FAM72A: variants seen among roughly 807,000 people sequenced by gnomAD.
FAM72A encodes the protein protein FAM72A.
Under a neutral mutation model 11.3 loss-of-function variants are expected in FAM72A, and 1 was observed. The observed-to-expected ratio is 0.09, with a 90% CI of 0.03 to 0.42. FAM72A has a LOEUF of 0.42. Among genes scored for constraint, FAM72A ranks in the 10% least tolerant of loss-of-function variants. FAM72A has a pLI of 0.98. For synonymous variants in FAM72A, 5 were observed against 46.9 expected, an observed-to-expected ratio of 0.11 and a Z score of 3.65; for missense variants, 15 against 135.5, an observed-to-expected ratio of 0.11 and a Z score of 4.41.
rs1182826954 is a variant in FAM72A at position 206,191,674 on chromosome 1, A to AT, written c.355+4077dup. On this transcript the variant is annotated intron_variant, in intron 3 of 3. Transcript: ENST00000367128. ...AGCACCTTAACACAAGGAAAAAGAA[A>AT]TTTTTTTTTTTTTAAAAGAATTGGT... Among the ~76,000 whole-genome samples the AT allele has an allele frequency of 8.2e-4, 108 of 131,984 alleles. 1 individual carries two copies. Among genetic ancestry groups the AT allele is most frequent in the South Asian group, 2.5e-3 (11 of 4,442 alleles). The allele number at this position is 131,984 out of a possible 152,430, so 86.6% of individuals were successfully genotyped here. A position where few individuals can be genotyped will look rare whatever the true frequency, so the allele number is the denominator to read the frequency against.
chr1:206,198,971 A>T (rs1352532427), intron 2 of FAM72A, among the ~76,000 whole-genome samples: 3 of 151,092 alleles, frequency 2.0e-5, no homozygotes, highest in Non-Finnish European at 4.4e-5. Flanking sequence ...AATCCCAGCC[A>T]CTCAGGAGGC....
rs1172983585 is a variant in FAM72A at position 206,187,098 on chromosome 1, C to T, written c.*181G>A. The T allele has an allele frequency of 3.1e-6, 3 of 958,354 alleles. No individual in the cohort carries two copies. Among genetic ancestry groups the T allele is most frequent in the East Asian group, 5.9e-5 (2 of 33,940 alleles). 59.4% of individuals were successfully genotyped at this position (958,354 alleles called of 1,614,324 possible). On this transcript the variant is annotated 3_prime_UTR_variant, in exon 4 of 4. Transcript: ENST00000367128. The stretch of plus-strand genomic sequence containing the variant: ...AGGAAGTAGAAGTAGAGGAAAAGCA[C>T]AACTTCACTGGCTTCAATCAAACTG...
At chr1:206,203,162 A>C, upstream of FAM72A, 1 of 230,162 alleles carries the variant, frequency 4.3e-6, no homozygotes, top group Non-Finnish European at 8.4e-6. Context: ...TCTTATTGGA[A>C]GAGGTTCTAC....
upstream of FAM72A, chr1:206,204,912 C>CCCG (rs1553300703): frequency 7.3e-6 from 1 of 136,504 alleles, no homozygotes; most frequent in African/African-American, 3.3e-5. Context: ...GATTTGCCCC[C>CCCG]CCCCCCATCA....
chr1:206,203,803 C>A (rs782314702), upstream of FAM72A: 156 of 1,532,680 alleles, frequency 1.0e-4, 2 homozygotes, highest in Middle Eastern at 1.6e-3. Flanking sequence ...AGACCGCCCC[C>A]CCTCCACCCT....
At chr1:206,193,552 C>T (rs1485430645) in intron 3 of FAM72A, among the ~76,000 whole-genome samples, 22 of 152,182 alleles carry the variant, frequency 1.4e-4, no homozygotes, top group Non-Finnish European at 2.1e-4. Context: ...CTAGGACTTT[C>T]ATAGCTAGAG....
intron 2 of FAM72A, among the ~76,000 whole-genome samples, chr1:206,198,637 T>C (rs1553298693): frequency 6.6e-6 from 1 of 151,786 alleles, no homozygotes; most frequent in Non-Finnish European, 1.5e-5. Flanking sequence ...ATGAAAATAA[T>C]AACACGTCTA....
At chr1:206,196,861 T>C in intron 2 of FAM72A, among the ~76,000 whole-genome samples, 1 of 150,590 alleles carries the variant, frequency 6.6e-6, no homozygotes, top group East Asian at 1.9e-4. Context: ...TTTTAGCTAG[T>C]ACTTTAAAAA....
Position 206,187,047 on chromosome 1 carries a change from A to G in FAM72A, c.*232T>C, listed in dbSNP as rs1664567116. The G allele has an allele frequency of 1.8e-6, 1 of 556,776 alleles. No homozygotes were observed. The allele number at this position is 556,776 out of a possible 1,614,324, so 34.5% of individuals were successfully genotyped here. Reference sequence around the variant, plus strand: ...CCTGTCTGAATTTAAGAATACACCTACACTGGGCAGAAAAAGGTCGGGGAG... The same window carrying G: ...CCTGTCTGAATTTAAGAATACACCTGCACTGGGCAGAAAAAGGTCGGGGAG... On this transcript the variant is annotated 3_prime_UTR_variant, in exon 4 of 4. Transcript: ENST00000367128.
intron 1 of FAM72A, among the ~76,000 whole-genome samples, chr1:206,200,875 G>GA (rs1189250062): frequency 3.5e-5 from 4 of 112,872 alleles, no homozygotes; most frequent in Non-Finnish European, 5.3e-5. Flanking sequence ...AAGATTTCAA[G>GA]AAAGGAAGAG....
At chr1:206,187,678 C>T (rs1276342396) in intron 3 of FAM72A, among the ~76,000 whole-genome samples, 2 of 152,242 alleles carry the variant, frequency 1.3e-5, no homozygotes, top group East Asian at 3.9e-4. Flanking sequence ...GATCCTCCTA[C>T]CTCAGCCTCC....
chr1:206,193,392 T>C (rs1664900224), intron 3 of FAM72A, among the ~76,000 whole-genome samples: 1 of 145,396 alleles, frequency 6.9e-6, no homozygotes, highest in African/African-American at 2.6e-5. Flanking sequence ...AGAGTTCTAC[T>C]ATATTGGTCA....
chr1:206,191,413 G>A (rs1664785524), intron 3 of FAM72A, among the ~76,000 whole-genome samples: 1 of 137,882 alleles, frequency 7.3e-6, no homozygotes, highest in Admixed American at 7.2e-5. Flanking sequence ...GAGGTCAGGT[G>A]TTCAAGACCA....
chr1:206,195,857 G>C lies in FAM72A; in HGVS notation c.250C>G (p.His84Asp). 6.2e-7 allele frequency: 1 copy of C among 1,611,230 alleles called. No individual in the cohort carries two copies. The highest frequency in any genetic ancestry group is 8.5e-7 in the Non-Finnish European group (1 of 1,179,696). The change falls in exon 3 of 4, where the codon CAT (histidine) becomes GAT (aspartate). Residue 84 changes from histidine (H) to aspartate (D), a missense_variant. Physicochemically the swap from His to Asp is moderately conservative, Grantham distance 81. Coordinates refer to ENST00000367128, the MANE Select transcript of FAM72A (RefSeq NM_001123168.3). ...CLKCGNIVGY[H>D]VIVPCSSCLL... The stretch of plus-strand genomic sequence containing the variant: ...CAGGAACTACATGGAACAATCACAT[G>C]ATAACCTACAATGTTCCCACTAGAA...
In FAM72A at chr1:206,187,637, T is replaced by C. The variant is rs185879342; in HGVS notation, c.356-264A>G. Among the ~76,000 whole-genome samples, 390 of 152,262 alleles carry C rather than the reference T, an allele frequency of 2.6e-3. 6 individuals carry two copies. The highest frequency in any genetic ancestry group is 9.1e-3 in the African/African-American group (378 of 41,562). On this transcript the variant is annotated intron_variant, in intron 3 of 3. Coordinates refer to ENST00000367128, the MANE Select transcript of FAM72A (RefSeq NM_001123168.3). The stretch of plus-strand genomic sequence containing the variant: ...TAGGATCACGGTTCACAATCACAGA[T>C]CACTGCAGCCTGAACCTCCAGGGCT...
chr1:206,205,284 C>T (rs1553300879), upstream of FAM72A: 2 of 143,826 alleles, frequency 1.4e-5, no homozygotes, highest in African/African-American at 2.6e-5. Flanking sequence ...CACCTCGTAG[C>T]GCCAGGCTCT....
At chr1:206,189,141 G>A (rs1553297258) in intron 3 of FAM72A, among the ~76,000 whole-genome samples, 2 of 151,184 alleles carry the variant, frequency 1.3e-5, no homozygotes, top group African/African-American at 2.4e-5. Flanking sequence ...TGTAGATTTC[G>A]CTCATTTATT....
chr1:206,205,200 C>T (rs1357280293), upstream of FAM72A: 2 of 151,988 alleles, frequency 1.3e-5, no homozygotes, highest in Non-Finnish European at 2.9e-5. Flanking sequence ...AGTCCCCGCC[C>T]GGAGCCCGCG....
At position 206,187,067 on chromosome 1, in the gene FAM72A, G is replaced by A. The variant is rs1332948887; in HGVS notation, c.*212C>T. 7.1e-5 allele frequency: 48 copies of A among 677,756 alleles called. No individual in the cohort carries two copies. Among genetic ancestry groups the A allele is most frequent in the Middle Eastern group, 4.5e-4 (1 of 2,214 alleles). 42.0% of individuals were successfully genotyped at this position (677,756 alleles called of 1,614,324 possible). A position where few individuals can be genotyped will look rare whatever the true frequency, so the allele number is the denominator to read the frequency against. On this transcript the variant is annotated 3_prime_UTR_variant, in exon 4 of 4. Coordinates refer to ENST00000367128, the MANE Select transcript of FAM72A (RefSeq NM_001123168.3). ...CACCTACACTGGGCAGAAAAAGGTCGGGGAGAGGAAGTAGAAGTAGAGGAA... is the reference window on the plus strand; with the variant it reads ...CACCTACACTGGGCAGAAAAAGGTCAGGGAGAGGAAGTAGAAGTAGAGGAA...
Sources: gnomAD v4.1 joint callset for allele counts (sites outside exome capture counted in the v4.1 genomes callset) on GRCh38, gnomAD v4.1.1 for gene constraint, MANE v1.5 for transcripts, NCBI Gene and HGNC (gene_info 2026-07-23, HGNC 2026-07-21) for gene names.